Variants in C12orf42 observed in about 807,000 individuals in gnomAD.
The protein encoded by C12orf42 is chromosome 12 open reading frame 42.
Under a neutral mutation model 21.6 loss-of-function variants are expected in C12orf42, and 25 were observed. The observed-to-expected ratio is 1.16, with a 90% CI of 0.84 to 1.62. C12orf42 has a LOEUF of 1.62. Ranked by LOEUF, C12orf42 falls within the 40% of genes most tolerant of loss-of-function variation. The pLI is 0.00. For missense variants in C12orf42, 483 were observed against 459.3 expected (o/e 1.05, Z -0.47); for synonymous variants, 174 against 175.0 (o/e 0.99, Z 0.05).
chr12:103,362,291 A>G (rs1250386696), intron 4 of C12orf42, among the ~76,000 whole-genome samples: 1 of 152,126 alleles, frequency 6.6e-6, no homozygotes, highest in Non-Finnish European at 1.5e-5. Context: ...AGGAAGCCAC[A>G]TTGCCAGGAA....
chr12:103,459,579 GTACAC>G (rs1952550267), intron 2 of C12orf42, among the ~76,000 whole-genome samples: 1 of 152,140 alleles, frequency 6.6e-6, no homozygotes, highest in Non-Finnish European at 1.5e-5. Context: ...CATGCTTCCT[GTACAC>G]CCTTCAGAAC....
the C12orf42 span, among the ~76,000 whole-genome samples, chr12:103,147,498 T>A: frequency 8.6e-6 from 1 of 116,388 alleles, no homozygotes; most frequent in East Asian, 3.0e-4. Context: ...TTTTTCTTTT[T>A]TTTTCTTTTT....
intron 10 of C12orf42, among the ~76,000 whole-genome samples, chr12:103,260,981 C>T (rs2034870415): frequency 6.6e-6 from 1 of 151,994 alleles, no homozygotes; most frequent in African/African-American, 2.4e-5. Flanking sequence ...TAATATTTTG[C>T]ACTTAGGATA....
intron 4 of C12orf42, among the ~76,000 whole-genome samples, chr12:103,337,834 A>T (rs756014771): frequency 4.0e-5 from 6 of 151,258 alleles, no homozygotes; most frequent in Non-Finnish European, 8.9e-5. Context: ...CCCCTTCACA[A>T]CTCTCTACTC....
chr12:103,296,346 CA>C (rs1183979031), intron 4 of C12orf42, among the ~76,000 whole-genome samples: 5 of 152,018 alleles, frequency 3.3e-5, no homozygotes, highest in African/African-American at 1.2e-4. Flanking sequence ...GTCTTTATAG[CA>C]GCATGATTTA....
chr12:103,417,356 T>G (rs763026266), intron 2 of C12orf42, among the ~76,000 whole-genome samples: 1 of 152,206 alleles, frequency 6.6e-6, no homozygotes, highest in Non-Finnish European at 1.5e-5. Flanking sequence ...TTGATCTTCC[T>G]AAAGAATAGT....
intron 2 of C12orf42, among the ~76,000 whole-genome samples, chr12:103,425,864 C>T (rs1468102077): frequency 2.6e-5 from 4 of 152,012 alleles, no homozygotes; most frequent in African/African-American, 4.8e-5. Flanking sequence ...TGGTGGACTC[C>T]GTCCAGTTCC....
chr12:103,394,533 T>C (rs567000904), intron 3 of C12orf42, among the ~76,000 whole-genome samples: 1 of 152,366 alleles, frequency 6.6e-6, no homozygotes, highest in South Asian at 2.1e-4. Flanking sequence ...GCTATGCTAA[T>C]AATTTAAAAT....
chr12:103,105,499 G>A, the C12orf42 span, among the ~76,000 whole-genome samples: 2 of 152,210 alleles, frequency 1.3e-5, no homozygotes, highest in East Asian at 3.9e-4. Flanking sequence ...TGGACTATGA[G>A]AGGGTCCATG....
chr12:103,535,877 A>C, the C12orf42 span, among the ~76,000 whole-genome samples: 1 of 152,178 alleles, frequency 6.6e-6, no homozygotes, highest in Non-Finnish European at 1.5e-5. Flanking sequence ...GCCTGGTCTC[A>C]ATTGACCCTC....
the C12orf42 span, among the ~76,000 whole-genome samples, chr12:103,226,711 C>T: frequency 2.6e-5 from 4 of 152,114 alleles, no homozygotes; most frequent in Admixed American, 2.6e-4. Context: ...GAATTGGGAC[C>T]TAGCTCAGCC....
intron 4 of C12orf42, among the ~76,000 whole-genome samples, chr12:103,283,386 G>T (rs1381432780): frequency 6.6e-6 from 1 of 152,184 alleles, no homozygotes; most frequent in African/African-American, 2.4e-5. Flanking sequence ...TCTACATTCT[G>T]CTCTGTGTTC....
At chr12:103,243,204 T>G (rs568427893) in intron 10 of C12orf42, among the ~76,000 whole-genome samples, 1 of 152,098 alleles carries the variant, frequency 6.6e-6, no homozygotes, top group African/African-American at 2.4e-5. Context: ...GTTTTTCTTT[T>G]TTTTCAGAGA....
intron 2 of C12orf42, among the ~76,000 whole-genome samples, chr12:103,413,638 C>T (rs1189727509): frequency 1.3e-5 from 2 of 152,034 alleles, no homozygotes; most frequent in Admixed American, 1.3e-4. Flanking sequence ...CCATCTCCCA[C>T]CCTTCACTTC....
the C12orf42 span, among the ~76,000 whole-genome samples, chr12:103,526,049 T>A: frequency 2.0e-5 from 3 of 152,036 alleles, no homozygotes; most frequent in African/African-American, 7.2e-5. Flanking sequence ...CAAAACAAAA[T>A]CTGCCTTCAG....
the C12orf42 span, among the ~76,000 whole-genome samples, chr12:103,505,182 A>G: frequency 2.0e-3 from 309 of 152,316 alleles, no homozygotes; most frequent in African/African-American, 6.9e-3. Context: ...AACAGACTCC[A>G]TTTACCTTGA....
At chr12:103,476,682 A>C (rs904003462) in intron 2 of C12orf42, among the ~76,000 whole-genome samples, 1 of 152,242 alleles carries the variant, frequency 6.6e-6, no homozygotes, top group Non-Finnish European at 1.5e-5. Context: ...TTATGACCTC[A>C]TGGAGTGAGA....
chr12:103,432,061 A>G (rs1036710490), intron 2 of C12orf42, among the ~76,000 whole-genome samples: 5 of 152,190 alleles, frequency 3.3e-5, no homozygotes, highest in South Asian at 2.1e-4. Flanking sequence ...CTGGGGTTGC[A>G]TTACTTCTCC....
downstream of C12orf42, among the ~76,000 whole-genome samples, chr12:103,266,209 G>A (rs1345957670): frequency 6.6e-6 from 1 of 152,084 alleles, no homozygotes; most frequent in Non-Finnish European, 1.5e-5. Flanking sequence ...AAGAAAAATT[G>A]TATTTGGAAA....
Sources: allele counts gnomAD v4.1 joint callset (sites outside exome capture counted in the v4.1 genomes callset), GRCh38; gene constraint gnomAD v4.1.1; transcripts MANE v1.5; gene names NCBI Gene and HGNC (gene_info 2026-07-23, HGNC 2026-07-21).